Variants in TMEM74 observed in about 807,000 individuals in gnomAD.
The protein encoded by TMEM74 is transmembrane protein 74.
TMEM74 carries 13 observed loss-of-function variants against 18.1 expected under a neutral mutation model. The observed-to-expected ratio is 0.72, with a 90% CI of 0.47 to 1.14. TMEM74 has a LOEUF of 1.14. Ranked by LOEUF, TMEM74 falls within the 50% of genes most tolerant of loss-of-function variation. The pLI is 0.00. For synonymous variants in TMEM74, 159 were observed against 146.6 expected, an observed-to-expected ratio of 1.08 and a Z score of -0.61; for missense variants, 372 against 375.9, an observed-to-expected ratio of 0.99 and a Z score of 0.09.
intron 1 of TMEM74, among the ~76,000 whole-genome samples, chr8:108,786,117 G>A (rs969946636): frequency 3.9e-5 from 6 of 152,110 alleles, no homozygotes; most frequent in African/African-American, 1.4e-4. Flanking sequence ...GATAATAAAA[G>A]ACAAACTATA....
At chr8:108,614,318 T>G (rs919771017) in intron 2 of TMEM74, among the ~76,000 whole-genome samples, 1 of 152,324 alleles carries the variant, frequency 6.6e-6, no homozygotes, top group Non-Finnish European at 1.5e-5. Flanking sequence ...CAATATTTTC[T>G]TCTTATATCC....
chr8:108,673,262 A>T lies in TMEM74; in HGVS notation n.120-17825T>A, dbSNP rs1813021168. Among the ~76,000 whole-genome samples, 7 of 152,176 alleles carry T rather than the reference A, an allele frequency of 4.6e-5. No homozygotes were observed. In the South Asian group the frequency reaches 1.4e-3, roughly 31 times the overall value. ...CATGGAAGTTGATCTTACCAGGGTAAGATTCTTCTGTGGTAGTCAGTACCT... is the reference window on the plus strand; with the variant it reads ...CATGGAAGTTGATCTTACCAGGGTATGATTCTTCTGTGGTAGTCAGTACCT... On this transcript the variant is annotated intron_variant and non_coding_transcript_variant, in intron 1 of 3. Coordinates refer to the TMEM74 transcript ENST00000518838.
intron 1 of TMEM74, among the ~76,000 whole-genome samples, chr8:108,765,407 C>CTTTTTTTTTTTTTTTTTTTTTT (rs61334796): frequency 2.5e-5 from 3 of 120,712 alleles, no homozygotes; most frequent in Admixed American, 8.8e-5. Context: ...TTTGGAACTA[C>CTTTTTTTTTTTTTTTTTTTTTT]TTTTTTTTTT....
chr8:108,628,305 C>T (rs1017682148), intron 2 of TMEM74, among the ~76,000 whole-genome samples: 28 of 151,982 alleles, frequency 1.8e-4, no homozygotes, highest in African/African-American at 4.6e-4. Flanking sequence ...TTGCACTCAA[C>T]CTAGAACACT....
intron 2 of TMEM74, among the ~76,000 whole-genome samples, chr8:108,643,052 G>A (rs996781831): frequency 2.0e-5 from 3 of 152,126 alleles, no homozygotes; most frequent in Admixed American, 1.3e-4. Flanking sequence ...CAATGTAAAA[G>A]ACTGGCATGG....
At chr8:108,658,867 T>C (rs537875698) in intron 1 of TMEM74, among the ~76,000 whole-genome samples, 10 of 152,186 alleles carry the variant, frequency 6.6e-5, no homozygotes, top group African/African-American at 2.2e-4. Context: ...GTGGTGAGGA[T>C]TGAATGGAGA....
chr8:108,624,477 G>T (rs1325185472), intron 2 of TMEM74, among the ~76,000 whole-genome samples: 3 of 152,070 alleles, frequency 2.0e-5, no homozygotes, highest in Non-Finnish European at 4.4e-5. Context: ...TCAAGAGAAA[G>T]TGATTACTTC....
chr8:108,695,568 A>T (rs1036256654), intron 1 of TMEM74, among the ~76,000 whole-genome samples: 2 of 152,180 alleles, frequency 1.3e-5, no homozygotes, highest in African/African-American at 2.4e-5. Context: ...GTAAGTCGTG[A>T]TCCACCCTTA....
chr8:108,785,099 G>A lies in TMEM74; in HGVS notation c.-1C>T. ...TCTTAGCAAGGTAGTGGAGCTCCAT[G>A]AGAGCTAGTCAGACATCCCCCAGCA... On this transcript the variant is annotated 5_prime_UTR_variant, in exon 2 of 2. Transcript: ENST00000297459. 2 of 1,588,788 alleles carry A rather than the reference G, an allele frequency of 1.3e-6. No homozygotes were observed. The highest frequency in any genetic ancestry group is 1.7e-6 in the Non-Finnish European group (2 of 1,169,412).
At chr8:108,709,344 C>G (rs967928326) in intron 1 of TMEM74, among the ~76,000 whole-genome samples, 3 of 151,960 alleles carry the variant, frequency 2.0e-5, no homozygotes, top group African/African-American at 7.3e-5. Context: ...ATTACTAAGC[C>G]TTAAAAAAGA....
Position 108,765,407 on chromosome 8 carries a change from C to CTTTTTTTTTTTTTTTTT in TMEM74, n.119+22052_119+22068dup, listed in dbSNP as rs61334796. Among the ~76,000 whole-genome samples, 16 of 120,710 alleles carry CTTTTTTTTTTTTTTTTT rather than the reference C, an allele frequency of 1.3e-4. 2 individuals are homozygous for CTTTTTTTTTTTTTTTTT. The highest frequency in any genetic ancestry group is 5.0e-4 in the African/African-American group (16 of 31,868). 79.2% of individuals were successfully genotyped at this position (120,710 alleles called of 152,430 possible). A position where few individuals can be genotyped will look rare whatever the true frequency, so the allele number is the denominator to read the frequency against. On this transcript the variant is annotated intron_variant and non_coding_transcript_variant, in intron 1 of 3. Coordinates refer to the TMEM74 transcript ENST00000518838. Reference sequence around the variant, plus strand: ...CTAAGGTCTTAGCAGTTTGGAACTACTTTTTTTTTTTTTTTTTTAGATGGA... The same window carrying CTTTTTTTTTTTTTTTTT: ...CTAAGGTCTTAGCAGTTTGGAACTACTTTTTTTTTTTTTTTTTTTTTTTTTTTTTTTTTTTAGATGGA...
chr8:108,613,006 A>T (rs771491805), intron 2 of TMEM74, among the ~76,000 whole-genome samples: 6 of 152,194 alleles, frequency 3.9e-5, no homozygotes, highest in Non-Finnish European at 5.9e-5. Flanking sequence ...GAAAAACATA[A>T]ACTTCTGAAT....
In TMEM74 at chr8:108,685,333, G is replaced by T. The variant is rs187985225; in HGVS notation, n.120-29896C>A. Among the ~76,000 whole-genome samples the T allele has an allele frequency of 2.6e-5, 4 of 152,110 alleles. No homozygotes were observed. In the East Asian group the frequency reaches 7.7e-4, roughly 29 times the overall value. On this transcript the variant is annotated intron_variant and non_coding_transcript_variant, in intron 1 of 3. Coordinates refer to the TMEM74 transcript ENST00000518838. ...TTTGTTTATTTACCCATTCTAATAA[G>T]TTTTGGTAGAATATTTAAGTTTTTC...
intron 1 of TMEM74, among the ~76,000 whole-genome samples, chr8:108,669,193 T>C (rs1346506270): frequency 1.3e-5 from 2 of 152,104 alleles, no homozygotes; most frequent in Non-Finnish European, 2.9e-5. Context: ...TTTCAGTTTA[T>C]CAAATACGTA....
chr8:108,741,933 T>C (rs1813804855), intron 1 of TMEM74, among the ~76,000 whole-genome samples: 1 of 152,144 alleles, frequency 6.6e-6, no homozygotes. Context: ...AAAGAAAATA[T>C]GGTACAAATA....
At chr8:108,664,112 A>G (rs945836466) in intron 1 of TMEM74, among the ~76,000 whole-genome samples, 37 of 152,170 alleles carry the variant, frequency 2.4e-4, no homozygotes, top group Non-Finnish European at 4.4e-4. Flanking sequence ...CCTAGAACTT[A>G]AAAGTTGAAG....
In TMEM74 at chr8:108,626,268, T is replaced by C. The variant is rs576149560; in HGVS notation, n.265-17442A>G. 2.6e-5 allele frequency among the ~76,000 whole-genome samples: 4 copies of C among 152,144 alleles called. No individual in the cohort carries two copies. In the East Asian group the frequency reaches 7.7e-4, roughly 29 times the overall value. ...TATTGGAAAAAATCCAGAATGCTAT[T>C]GTATGATTCAAAATAAAGTCATAAA... On this transcript the variant is annotated intron_variant and non_coding_transcript_variant, in intron 2 of 3. Coordinates refer to the TMEM74 transcript ENST00000518838.
chr8:108,746,362 C>A (rs1179052535), intron 1 of TMEM74, among the ~76,000 whole-genome samples: 1 of 151,964 alleles, frequency 6.6e-6, no homozygotes, highest in East Asian at 1.9e-4. Flanking sequence ...TGCAGACACC[C>A]CTTTTATATC....
chr8:108,655,662 C>A (rs1812814646), intron 1 of TMEM74, among the ~76,000 whole-genome samples: 1 of 152,112 alleles, frequency 6.6e-6, no homozygotes. Context: ...TGGCTCAATT[C>A]CCACCCTTGG....
Sources: allele counts gnomAD v4.1 joint callset (sites outside exome capture counted in the v4.1 genomes callset), GRCh38; gene constraint gnomAD v4.1.1; transcripts MANE v1.5; gene names NCBI Gene and HGNC (gene_info 2026-07-23, HGNC 2026-07-21).